Variants in WDR7 observed in about 807,000 individuals in gnomAD.
The protein encoded by WDR7 is WD repeat domain 7, also known as WD repeat-containing protein 7.
WDR7 carries 46 observed loss-of-function variants against 169.4 expected under a neutral mutation model. The ratio of observed to expected loss-of-function variants is 0.27; its 90% CI spans 0.21 to 0.35. The LOEUF is 0.35. Ranked by LOEUF, WDR7 falls within the 10% of genes least tolerant of loss-of-function variation. WDR7 has a pLI of 1.00. For synonymous variants in WDR7, 612 were observed against 666.8 expected, an observed-to-expected ratio of 0.92 and a Z score of 1.27; for missense variants, 1,534 against 1,859.3, an observed-to-expected ratio of 0.83 and a Z score of 3.22.
At chr18:56,783,607 G>A (rs889886157) in intron 19 of WDR7, among the ~76,000 whole-genome samples, 1 of 152,164 alleles carries the variant, frequency 6.6e-6, no homozygotes, top group African/African-American at 2.4e-5. Flanking sequence ...GTGTGAAGTA[G>A]GGAAATTGAT....
chr18:56,841,307 T>C (rs1324870138), intron 20 of WDR7, among the ~76,000 whole-genome samples: 1 of 150,858 alleles, frequency 6.6e-6, no homozygotes, highest in Non-Finnish European at 1.5e-5. Flanking sequence ...TTTGGGAGGC[T>C]GAGGCAGGCA....
chr18:57,020,946 T>C (rs2048281141), intron 27 of WDR7, 97 bp downstream of exon 27: 3 of 1,031,634 alleles, frequency 2.9e-6, no homozygotes, highest in African/African-American at 3.2e-5. Flanking sequence ...CCCTCCTTCC[T>C]GTCCTCCCTC....
At chr18:56,892,718 G>A (rs751196456) in intron 21 of WDR7, among the ~76,000 whole-genome samples, 4 of 151,996 alleles carry the variant, frequency 2.6e-5, no homozygotes, top group Non-Finnish European at 4.4e-5. Context: ...AATCCCTACT[G>A]TACATCATTT....
Position 56,757,205 on chromosome 18 carries a change from C to T in WDR7, c.2612C>T (p.Ala871Val), listed in dbSNP as rs751238038. ...GKTEVGRKLPASEGVGKGTYG... is the reference protein window; with the variant it reads ...GKTEVGRKLPVSEGVGKGTYG... ...ACAGAAGTAGGAAGGAAGCTGCCAG[C>T]GTCTGAGGGAGTAGGAAAGGGAACT... The change falls in exon 15 of 28, where the codon GCG becomes GTG. Residue 871 changes from alanine to valine, a missense_variant. Transcript: ENST00000254442. 94 of 1,613,926 alleles carry T rather than the reference C, an allele frequency of 5.8e-5. No homozygotes were observed. The highest frequency in any genetic ancestry group is 1.1e-4 in the African/African-American group (8 of 74,876).
chr18:56,749,338 T>A (rs1407323152), intron 14 of WDR7, among the ~76,000 whole-genome samples: 1 of 151,976 alleles, frequency 6.6e-6, no homozygotes, highest in Non-Finnish European at 1.5e-5. Flanking sequence ...TTTTTTGTTT[T>A]CCATTTCAAG....
At chr18:56,926,271 C>T (rs1349222580) in intron 22 of WDR7, among the ~76,000 whole-genome samples, 6 of 152,154 alleles carry the variant, frequency 3.9e-5, no homozygotes, top group Non-Finnish European at 8.8e-5. Flanking sequence ...TCAACCTCTG[C>T]CCTCCCCTTG....
chr18:56,862,475 T>C (rs1176028247), intron 20 of WDR7, among the ~76,000 whole-genome samples: 1 of 151,650 alleles, frequency 6.6e-6, no homozygotes, highest in Non-Finnish European at 1.5e-5. Context: ...TTCTTATTTA[T>C]ATAACATTAC....
chr18:56,935,685 C>A, intron 22 of WDR7, 103 bp from the exon 23 acceptor site: 2 of 1,044,446 alleles, frequency 1.9e-6, no homozygotes, highest in Non-Finnish European at 1.5e-6. Context: ...TGTTTGAGTG[C>A]TCCCATTGAC....
chr18:56,879,530 G>A (rs76657813), intron 20 of WDR7, among the ~76,000 whole-genome samples: 3 of 152,104 alleles, frequency 2.0e-5, no homozygotes, highest in Non-Finnish European at 4.4e-5. Context: ...CTCTGATTCT[G>A]TGGGTTGTCT....
At chr18:56,772,060 C>CAAAAAAAAAAAAAAAA (rs71169397) in intron 16 of WDR7, among the ~76,000 whole-genome samples, 1 of 51,168 alleles carries the variant, frequency 2.0e-5, no homozygotes, top group African/African-American at 7.4e-5. Context: ...GACCCTGTCT[C>CAAAAAAAAAAAAAAAA]AAAAAAAAAA....
chr18:56,779,935 G>A (rs1056698450), intron 18 of WDR7, among the ~76,000 whole-genome samples: 1 of 152,210 alleles, frequency 6.6e-6, no homozygotes, highest in African/African-American at 2.4e-5. Context: ...CCATATTTCA[G>A]TGAAAGGTAG....
In WDR7 at chr18:56,781,773, G is replaced by GA. The variant is rs2044322054; in HGVS notation, c.3190+121dup. The GA allele has an allele frequency of 3.7e-6, 4 of 1,090,240 alleles. No homozygotes were observed. The East Asian group carries it at 1.2e-4, about 32-fold the overall frequency. The allele number at this position is 1,090,240 out of a possible 1,614,324, so 67.5% of individuals were successfully genotyped here. A position where few individuals can be genotyped will look rare whatever the true frequency, so the allele number is the denominator to read the frequency against. On this transcript the variant is annotated intron_variant, in intron 19 of 27. Transcript: ENST00000254442. The stretch of plus-strand genomic sequence containing the variant: ...AAAAATGAGTCACTGACCTTAAAGT[G>GA]AAAAGAACAGATCCTCAAATTCACT...
intron 20 of WDR7, among the ~76,000 whole-genome samples, chr18:56,861,903 G>A (rs550782288): frequency 2.6e-5 from 4 of 152,020 alleles, no homozygotes; most frequent in African/African-American, 7.2e-5. Flanking sequence ...CAATTAGACC[G>A]TTGGACTTTT....
chr18:56,996,956 GA>G (rs960485847), intron 26 of WDR7, among the ~76,000 whole-genome samples: 4 of 150,296 alleles, frequency 2.7e-5, no homozygotes, highest in Admixed American at 6.6e-5. Flanking sequence ...CTAAGAAGAA[GA>G]AAAAAAAACT....
intron 21 of WDR7, among the ~76,000 whole-genome samples, chr18:56,896,696 G>A (rs1196625273): frequency 1.3e-5 from 2 of 151,794 alleles, no homozygotes; most frequent in African/African-American, 2.4e-5. Flanking sequence ...TCAATTCCAT[G>A]TGGATTTACA....
intron 16 of WDR7, among the ~76,000 whole-genome samples, chr18:56,765,047 A>G (rs2044039681): frequency 6.6e-6 from 1 of 152,102 alleles, no homozygotes; most frequent in Non-Finnish European, 1.5e-5. Flanking sequence ...CTTTGTTTAT[A>G]ATAATACAGT....
chr18:56,938,700 T>C lies in WDR7; in HGVS notation c.3981+18T>C. 1.2e-6 allele frequency: 2 copies of C among 1,612,220 alleles called. No homozygotes were observed. The highest frequency in any genetic ancestry group is 2.2e-5 in the South Asian group (2 of 90,610). ...TCGTGGAGGTAAGAATATCCTGTTT[T>C]AAATGATCCATCAGCAACCTAAATT... On this transcript the variant is annotated intron_variant, in intron 24 of 27. Transcript: ENST00000254442.
intron 16 of WDR7, among the ~76,000 whole-genome samples, chr18:56,772,874 A>C (rs2044185790): frequency 2.0e-5 from 3 of 152,126 alleles, no homozygotes; most frequent in Admixed American, 2.0e-4. Context: ...AAGAAATTGC[A>C]GGATTAGCAT....
chr18:56,708,167 G>T (rs2026004558), intron 12 of WDR7, among the ~76,000 whole-genome samples: 1 of 151,672 alleles, frequency 6.6e-6, no homozygotes, highest in Non-Finnish European at 1.5e-5. Context: ...CTGAGTAGCT[G>T]GGATTACAAG....
Sources: gnomAD v4.1 joint callset for allele counts (sites outside exome capture counted in the v4.1 genomes callset) on GRCh38, gnomAD v4.1.1 for gene constraint, MANE v1.5 for transcripts, NCBI Gene and HGNC (gene_info 2026-07-23, HGNC 2026-07-21) for gene names.